The following CDH8 variants were observed in gnomAD, a reference collection of about 807,000 sequenced individuals.
CDH8 encodes the protein cadherin-8.
A neutral mutation model predicts 68.1 loss-of-function variants in CDH8; 17 were observed. That is an observed-to-expected ratio of 0.25 (90% CI 0.17 to 0.37). The LOEUF (loss-of-function observed/expected upper bound fraction) is 0.37. CDH8 is among the 10% of genes least tolerant of loss of function. The pLI, the probability that CDH8 is intolerant of heterozygous loss-of-function variation, is 1.00. For missense variants in CDH8, 763 were observed against 999.3 expected, an observed-to-expected ratio of 0.76 and a Z score of 3.19; for synonymous variants, 372 against 365.1, an observed-to-expected ratio of 1.02 and a Z score of -0.21.
chr16:61,879,658 T>C lies in CDH8; in HGVS notation c.547+21521A>G, dbSNP rs192897493. ...GAAGTTCTTTTGCCTTTTTCCTAAC[T>C]GCAATTGAAATCTTCAGAGAGAACG... On this transcript the variant is annotated intron_variant, in intron 3 of 11. Transcript: ENST00000577390. Among the ~76,000 whole-genome samples, 37 of 152,170 alleles carry C rather than the reference T, an allele frequency of 2.4e-4. 1 individual carries two copies. The highest frequency in any genetic ancestry group is 1.3e-4 in the Non-Finnish European group (9 of 68,030).
intron 4 of CDH8, among the ~76,000 whole-genome samples, chr16:61,845,579 T>A (rs538402752): frequency 1.8e-4 from 28 of 151,812 alleles, no homozygotes; most frequent in African/African-American, 6.5e-4. Flanking sequence ...GTTAACCCTA[T>A]GAACACTATA....
Position 61,647,854 on chromosome 16 carries a change from T to C in CDH8, c.*5754A>G. 1.4e-6 allele frequency: 1 copy of C among 699,714 alleles called. No homozygotes were observed. The highest frequency in any genetic ancestry group is 1.5e-5 in the South Asian group (1 of 67,530). The allele number at this position is 699,714 out of a possible 1,614,324, so 43.3% of individuals were successfully genotyped here. A position where few individuals can be genotyped will look rare whatever the true frequency, so the allele number is the denominator to read the frequency against. On this transcript the variant is annotated 3_prime_UTR_variant, in exon 12 of 12. Coordinates refer to ENST00000577390, the MANE Select transcript of CDH8 (RefSeq NM_001796.5). The stretch of plus-strand genomic sequence containing the variant: ...ACAGTCTTTCTCTTCAGACAGCATC[T>C]TGTGATATTCCTCCTAGCAACCCTC...
In CDH8 at chr16:61,919,053, A is replaced by G. The variant is rs572283794; in HGVS notation, c.253-17580T>C. Among the ~76,000 whole-genome samples, 160 of 147,134 alleles carry G rather than the reference A, an allele frequency of 1.1e-3. 16 individuals are homozygous for G. The East Asian group carries it at 0.011, about 10-fold the overall frequency. ...CTGGGAGGCACCCCCCAGCAGGGGCATACTGACACCTCACACGGCAGGGTA... is the reference window on the plus strand; with the variant it reads ...CTGGGAGGCACCCCCCAGCAGGGGCGTACTGACACCTCACACGGCAGGGTA... On this transcript the variant is annotated intron_variant, in intron 2 of 11. Transcript: ENST00000577390.
chr16:62,031,995 A>T (rs1182968564), intron 1 of CDH8: 1 of 152,218 alleles, frequency 6.6e-6, no homozygotes, highest in Non-Finnish European at 1.5e-5. Context: ...CAGCAGAAAT[A>T]GATTCGCATC....
intron 8 of CDH8, among the ~76,000 whole-genome samples, chr16:61,739,915 A>ATATATATATATTTT (rs373723105): frequency 9.1e-6 from 1 of 109,580 alleles, no homozygotes; most frequent in African/African-American, 3.7e-5. Flanking sequence ...ATATATATGT[A>ATATATATATATTTT]TTTTTTTTTT....
intron 2 of CDH8, among the ~76,000 whole-genome samples, chr16:61,906,484 A>G (rs1964064248): frequency 6.6e-6 from 1 of 152,212 alleles, no homozygotes; most frequent in Non-Finnish European, 1.5e-5. Flanking sequence ...AGGAATTCTA[A>G]CAGGACTGCT....
intron 4 of CDH8, among the ~76,000 whole-genome samples, chr16:61,825,528 T>G (rs1272841052): frequency 1.3e-5 from 2 of 151,804 alleles, no homozygotes; most frequent in South Asian, 4.1e-4. Context: ...GTGAAAGAAT[T>G]CTCCAATTTA....
chr16:61,841,152 C>T (rs910910828), intron 4 of CDH8, among the ~76,000 whole-genome samples: 1 of 152,116 alleles, frequency 6.6e-6, no homozygotes, highest in African/African-American at 2.4e-5. Context: ...CTATTGTAAA[C>T]AGTGCTGCAA....
intron 10 of CDH8, among the ~76,000 whole-genome samples, chr16:61,656,211 A>T (rs1199608222): frequency 6.6e-6 from 1 of 152,168 alleles, no homozygotes; most frequent in Non-Finnish European, 1.5e-5. Context: ...CAACCATAAC[A>T]GGTTGAATGA....
intron 2 of CDH8, among the ~76,000 whole-genome samples, chr16:62,003,388 C>G (rs1029621519): frequency 5.3e-5 from 8 of 152,112 alleles, no homozygotes; most frequent in Non-Finnish European, 1.2e-4. Context: ...CAACATAGTA[C>G]TTTTATAAAG....
At chr16:61,995,579 G>A (rs148606571) in intron 2 of CDH8, among the ~76,000 whole-genome samples, 2,038 of 152,194 alleles carry the variant, frequency 0.013, 23 homozygotes, top group East Asian at 0.049. Flanking sequence ...GAGTTTCACC[G>A]TGTTAGCCAG....
rs114296369 is a variant in CDH8 at position 61,882,330 on chromosome 16, T to C, written c.547+18849A>G. 7.8e-3 allele frequency among the ~76,000 whole-genome samples: 1,191 copies of C among 152,344 alleles called. 17 individuals are homozygous for C. The highest frequency in any genetic ancestry group is 0.027 in the African/African-American group (1,119 of 41,578). ...GTTTGAATATCTTGCCAATTGTTTA[T>C]GAGTACTGAATTGCTTAGATCTAGG... On this transcript the variant is annotated intron_variant, in intron 3 of 11. Coordinates refer to ENST00000577390, the MANE Select transcript of CDH8 (RefSeq NM_001796.5).
intron 10 of CDH8, among the ~76,000 whole-genome samples, chr16:61,664,042 T>C (rs965265365): frequency 6.6e-6 from 1 of 151,960 alleles, no homozygotes; most frequent in Non-Finnish European, 1.5e-5. Context: ...TCTTTCTCTG[T>C]ATGTTCCAGA....
At chr16:61,685,982 A>C (rs1215212926) in intron 10 of CDH8, among the ~76,000 whole-genome samples, 1 of 151,988 alleles carries the variant, frequency 6.6e-6, no homozygotes, top group Non-Finnish European at 1.5e-5. Flanking sequence ...AGAATCTAGC[A>C]CTGAGGCTGT....
chr16:61,919,056 C>T lies in CDH8; in HGVS notation c.253-17583G>A, dbSNP rs992866062. The stretch of plus-strand genomic sequence containing the variant: ...GGAGGCACCCCCCAGCAGGGGCATA[C>T]TGACACCTCACACGGCAGGGTATTC... On this transcript the variant is annotated intron_variant, in intron 2 of 11. Transcript: ENST00000577390. Among the ~76,000 whole-genome samples the T allele has an allele frequency of 5.2e-4, 76 of 147,048 alleles. 8 individuals carry two copies. Among genetic ancestry groups the T allele is most frequent in the Non-Finnish European group, 1.0e-4 (7 of 67,166 alleles).
At chr16:62,009,135 C>T (rs1301275738) in intron 2 of CDH8, among the ~76,000 whole-genome samples, 1 of 151,856 alleles carries the variant, frequency 6.6e-6, no homozygotes. Flanking sequence ...CTAAGAGTTA[C>T]AGGATTTGGT....
chr16:61,705,690 C>T (rs1964514877), intron 10 of CDH8, among the ~76,000 whole-genome samples: 1 of 152,170 alleles, frequency 6.6e-6, no homozygotes, highest in African/African-American at 2.4e-5. Flanking sequence ...TGATGGAATC[C>T]ATGAAGATCT....
chr16:61,842,213 T>C (rs1349575021), intron 4 of CDH8, among the ~76,000 whole-genome samples: 1 of 151,874 alleles, frequency 6.6e-6, no homozygotes, highest in East Asian at 1.9e-4. Context: ...AGCCAGAAAT[T>C]TGTATGGTTT....
At position 61,652,669 on chromosome 16, in the gene CDH8, T is replaced by C; in HGVS notation, c.*939A>G. On this transcript the variant is annotated 3_prime_UTR_variant, in exon 12 of 12. Transcript: ENST00000577390. ...ATAAAACAATCTAAAGGATTATTAA[T>C]GGATATAATTTAGTTTTTTCCCATA... 8.6e-7 allele frequency: 1 copy of C among 1,161,992 alleles called. No individual in the cohort carries two copies. Among genetic ancestry groups the C allele is most frequent in the Non-Finnish European group, 1.1e-6 (1 of 915,722 alleles). 72.0% of individuals were successfully genotyped at this position (1,161,992 alleles called of 1,614,324 possible).
Sources: allele counts gnomAD v4.1 joint callset (sites outside exome capture counted in the v4.1 genomes callset), GRCh38; gene constraint gnomAD v4.1.1; transcripts MANE v1.5; gene names NCBI Gene and HGNC (gene_info 2026-07-23, HGNC 2026-07-21).